Variants in SMAD7 observed in about 807,000 individuals in gnomAD.
SMAD7 encodes SMAD family member 7, also known as MAD (mothers against decapentaplegic, Drosophila) homolog 7.
A neutral mutation model predicts 38.7 loss-of-function variants in SMAD7; 8 were observed. The ratio of observed to expected loss-of-function variants is 0.21; its 90% CI spans 0.12 to 0.37. SMAD7 has a LOEUF of 0.37. Ranked by LOEUF, SMAD7 falls within the 10% of genes least tolerant of loss-of-function variation. The probability of loss-of-function intolerance (pLI) is 1.00; values close to 1 mark genes in which losing one functional copy is unlikely to be tolerated. For synonymous variants in SMAD7, 327 were observed against 265.1 expected, an observed-to-expected ratio of 1.23 and a Z score of -2.27; for missense variants, 477 against 577.9, an observed-to-expected ratio of 0.83 and a Z score of 1.79.
chr18:48,923,814 G>A (rs1188926044), intron 3 of SMAD7, among the ~76,000 whole-genome samples: 1 of 152,192 alleles, frequency 6.6e-6, no homozygotes, highest in African/African-American at 2.4e-5. Flanking sequence ...CAGTGTGTAC[G>A]AGTGTGTGTT....
chr18:48,950,516 G>T lies in SMAD7; in HGVS notation c.-92C>A. On this transcript the variant is annotated 5_prime_UTR_variant, in exon 1 of 4. Coordinates refer to ENST00000262158, the MANE Select transcript of SMAD7 (RefSeq NM_005904.4). ...ATGAAGAAGTCGGGCGCCGAGTTGG[G>T]GCAGCAGGCGCAGGCGACAGCAGCA... The T allele has an allele frequency of 7.7e-7, 1 of 1,297,774 alleles. No individual in the cohort carries two copies. Among genetic ancestry groups the T allele is most frequent in the Non-Finnish European group, 1.0e-6 (1 of 976,660 alleles). The allele number at this position is 1,297,774 out of a possible 1,614,324, so 80.4% of individuals were successfully genotyped here. A position where few individuals can be genotyped will look rare whatever the true frequency, so the allele number is the denominator to read the frequency against.
chr18:48,944,211 C>T (rs143321401), intron 2 of SMAD7, among the ~76,000 whole-genome samples: 2 of 152,308 alleles, frequency 1.3e-5, no homozygotes, highest in African/African-American at 4.8e-5. Flanking sequence ...CTCCTCCACC[C>T]ACTCCTCCCA....
intron 3 of SMAD7, among the ~76,000 whole-genome samples, chr18:48,932,648 C>T (rs1461998777): frequency 6.6e-6 from 1 of 152,158 alleles, no homozygotes; most frequent in East Asian, 1.9e-4. Flanking sequence ...GGGGAACAGA[C>T]AGAGAAGGAT....
In SMAD7 at chr18:48,921,377, G is replaced by A. The variant is rs770772156; in HGVS notation, c.1276C>T (p.Arg426Trp). Reference protein sequence around the residue: ...PCWLEVIFNSR With the variant: ...PCWLEVIFNSW ...TCTGTCCCCTCCGCACGCGGCTACC[G>A]GCTGTTGAAGATGACCTCTAGCCAG... is the stretch of plus-strand genomic sequence containing the variant. Residue 426 changes from arginine (R) to tryptophan (W), a missense_variant, in exon 4 of 4, where the codon CGG becomes TGG. Around this residue, in one of 2 missense-constraint regions of SMAD7, gnomAD observed 101 missense variants for 198.5 expected, o/e 0.51. Coordinates refer to ENST00000262158, the MANE Select transcript of SMAD7 (RefSeq NM_005904.4). The surrounding 1 kb of genome is among the most constrained non-coding windows in gnomAD (Gnocchi z 6.4). 9.9e-6 allele frequency: 16 copies of A among 1,608,862 alleles called. No homozygotes were observed. Among genetic ancestry groups the A allele is most frequent in the African/African-American group, 2.7e-5 (2 of 74,826 alleles).
In SMAD7 at chr18:48,940,611, GCAC is replaced by G. The variant is rs1288099680; in HGVS notation, c.742+1867_742+1869del. On this transcript the variant is annotated intron_variant, in intron 3 of 3. Coordinates refer to ENST00000262158, the MANE Select transcript of SMAD7 (RefSeq NM_005904.4). ...ACTAAAAATACAAAAAATTAGCTGG[GCAC>G]AGTGGTGGATGCCTGTAATCCCAGC... 7.2e-5 allele frequency among the ~76,000 whole-genome samples: 11 copies of G among 152,268 alleles called. No individual in the cohort carries two copies. The South Asian group carries it at 2.3e-3, about 32-fold the overall frequency.
intron 3 of SMAD7, among the ~76,000 whole-genome samples, chr18:48,925,803 G>C (rs1328318204): frequency 6.6e-6 from 1 of 151,866 alleles, no homozygotes; most frequent in East Asian, 1.9e-4. Flanking sequence ...CTGGAGTGCA[G>C]TGGCACAATC....
At chr18:48,940,982 C>G (rs1293819871) in intron 3 of SMAD7, among the ~76,000 whole-genome samples, 1 of 152,150 alleles carries the variant, frequency 6.6e-6, no homozygotes, top group East Asian at 1.9e-4. Flanking sequence ...AGGACCCTTT[C>G]AAAAGCTGCC....
At chr18:48,947,873 A>T (rs2070211982) in intron 2 of SMAD7, among the ~76,000 whole-genome samples, 1 of 147,580 alleles carries the variant, frequency 6.8e-6, no homozygotes, top group African/African-American at 2.6e-5. Context: ...CTTGCAGGTG[A>T]CTGGAGCAGG....
At position 48,950,397 on chromosome 18, in the gene SMAD7, C is replaced by A. The variant is rs1447948136; in HGVS notation, c.28G>T (p.Val10Phe). Residue 10 changes from valine to phenylalanine, a missense_variant, in exon 1 of 4, where the codon GTC becomes TTC. Physicochemically the swap from Val to Phe is conservative, Grantham distance 50. Transcript: ENST00000262158. ...GCACGGCTCCTCCAGAGACGCCGGA[C>A]GAGCGCAGATCGTTTGGTCCTGAAC... MFRTKRSAL[V>F]RRLWRSRAPG... 2 of 1,548,504 alleles carry A rather than the reference C, an allele frequency of 1.3e-6. No individual in the cohort carries two copies. The highest frequency in any genetic ancestry group is 1.7e-6 in the Non-Finnish European group (2 of 1,148,584).
Position 48,921,679 on chromosome 18 carries a change from C to T in SMAD7, c.974G>A (p.Arg325Gln), listed in dbSNP as rs764398217. The T allele has an allele frequency of 5.0e-6, 8 of 1,612,932 alleles. No individual in the cohort carries two copies. The highest frequency in any genetic ancestry group is 1.6e-4 in the Middle Eastern group (1 of 6,080). Residue 325 changes from arginine (R) to glutamine (Q), a missense_variant, in exon 4 of 4, where the codon CGG becomes CAG. Physicochemically the swap from Arg to Gln is conservative, Grantham distance 43 (BLOSUM62 1). Coordinates refer to ENST00000262158, the MANE Select transcript of SMAD7 (RefSeq NM_005904.4). The surrounding 1 kb of genome is among the most constrained non-coding windows in gnomAD (Gnocchi z 6.4). ...SKIGCGIQLT[R>Q]EVDGVWVYNR... is the part of the protein sequence containing the mutation. The stretch of plus-strand genomic sequence containing the variant: ...GTACACCCACACACCATCCACCTCC[C>T]GCGTCAGCTGGATGCCGCAGCCGAT...
At chr18:48,928,005 C>A (rs1254521388) in intron 3 of SMAD7, among the ~76,000 whole-genome samples, 3 of 152,204 alleles carry the variant, frequency 2.0e-5, no homozygotes, top group Non-Finnish European at 4.4e-5. Flanking sequence ...AGCCACCAAG[C>A]CCACTGTTCC....
chr18:48,920,472 G>A lies in SMAD7; in HGVS notation c.*900C>T, dbSNP rs1227183987. ...AATAGCAGAGCTTAACACACAGGATGGGAGCAGGCAGTGCTGAGCTGGTTT... is the reference window on the plus strand; with the variant it reads ...AATAGCAGAGCTTAACACACAGGATAGGAGCAGGCAGTGCTGAGCTGGTTT... On this transcript the variant is annotated 3_prime_UTR_variant, in exon 4 of 4. Transcript: ENST00000262158. 1.3e-5 allele frequency: 2 copies of A among 152,432 alleles called. No homozygotes were observed. Among genetic ancestry groups the A allele is most frequent in the East Asian group, 1.9e-4 (1 of 5,196 alleles). The allele number at this position is 152,432 out of a possible 1,614,324, so 9.4% of individuals were successfully genotyped here.
In SMAD7 at chr18:48,944,672, A is replaced by G. The variant is rs112390920; in HGVS notation, c.668-2117T>C. Among the ~76,000 whole-genome samples, 60 of 152,288 alleles carry G rather than the reference A, an allele frequency of 3.9e-4. 2 individuals are homozygous for G. The highest frequency in any genetic ancestry group is 1.4e-3 in the African/African-American group (58 of 41,548). On this transcript the variant is annotated intron_variant, in intron 2 of 3. Coordinates refer to ENST00000262158, the MANE Select transcript of SMAD7 (RefSeq NM_005904.4). The stretch of plus-strand genomic sequence containing the variant: ...ATGGAGTCCCTACCCTCTTTCCTGG[A>G]GGTGGCCAGGCCATCCAGACTGGCC...
Position 48,950,025 on chromosome 18 carries a change from A to C in SMAD7, c.400T>G (p.Cys134Gly). The C allele has an allele frequency of 6.8e-7, 1 of 1,475,678 alleles. No individual in the cohort carries two copies. The highest frequency in any genetic ancestry group is 8.9e-7 in the Non-Finnish European group (1 of 1,117,740). The allele number at this position is 1,475,678 out of a possible 1,614,324, so 91.4% of individuals were successfully genotyped here. A position where few individuals can be genotyped will look rare whatever the true frequency, so the allele number is the denominator to read the frequency against. Residue 134 changes from cysteine (C) to glycine (G), a missense_variant, in exon 1 of 4, where the codon TGC becomes GGC. By Grantham distance (159) the Cys-to-Gly change is radical (BLOSUM62 -3). Coordinates refer to ENST00000262158, the MANE Select transcript of SMAD7 (RefSeq NM_005904.4). ...ACLLLPGRLD[C>G]RLGPGAPAGA... ...GCGGGCGCCCCCGGGCCCAGCCTGCAGTCCAGGCGGCCGGGCAGCAGGAGG... is the reference window on the plus strand; with the variant it reads ...GCGGGCGCCCCCGGGCCCAGCCTGCCGTCCAGGCGGCCGGGCAGCAGGAGG...
chr18:48,935,382 G>C (rs571067448), intron 3 of SMAD7, among the ~76,000 whole-genome samples: 3 of 152,338 alleles, frequency 2.0e-5, no homozygotes, highest in Non-Finnish European at 2.9e-5. Context: ...TCAATACCGA[G>C]CGAGAGGTGG....
chr18:48,950,233 C>T lies in SMAD7; in HGVS notation c.192G>A (p.Lys64=). The change falls in exon 1 of 4, where the codon AAG becomes AAA. Residue 64 remains lysine (K), a synonymous_variant. Coordinates refer to ENST00000262158, the MANE Select transcript of SMAD7 (RefSeq NM_005904.4). ...GGTGACCTTTGGCACCTCGCACCGC[C>T]TTGCCCAGGCAGCATCCAGCCCTGC... ...GPGRAGCCLG[K]AVRGAKGHHH... 3 of 1,505,396 alleles carry T rather than the reference C, an allele frequency of 2.0e-6. No homozygotes were observed. Among genetic ancestry groups the T allele is most frequent in the Non-Finnish European group, 2.7e-6 (3 of 1,131,224 alleles). 93.3% of individuals were successfully genotyped at this position (1,505,396 alleles called of 1,614,324 possible).
At chr18:48,946,263 G>A (rs1403604152) in intron 2 of SMAD7, among the ~76,000 whole-genome samples, 5 of 152,136 alleles carry the variant, frequency 3.3e-5, no homozygotes, top group African/African-American at 1.2e-4. Flanking sequence ...TCAACCTAAG[G>A]GACATAGAAA....
intron 2 of SMAD7, among the ~76,000 whole-genome samples, chr18:48,947,901 C>CA (rs1427930771): frequency 1.3e-5 from 2 of 150,704 alleles, no homozygotes; most frequent in Non-Finnish European, 3.0e-5. Context: ...TACCCCCCCC[C>CA]CCCTTTTACT....
intron 3 of SMAD7, among the ~76,000 whole-genome samples, chr18:48,923,020 G>C (rs913305560): frequency 2.0e-5 from 3 of 152,180 alleles, no homozygotes; most frequent in Non-Finnish European, 2.9e-5. Context: ...AGGAGCCAGC[G>C]GGCAGGCCTC....
Sources: allele counts gnomAD v4.1 joint callset (sites outside exome capture counted in the v4.1 genomes callset), GRCh38; gene constraint gnomAD v4.1.1; regional missense constraint gnomAD v4.1.1; non-coding constraint Gnocchi (gnomAD v3.1); transcripts MANE v1.5; gene names NCBI Gene and HGNC (gene_info 2026-07-23, HGNC 2026-07-21).